The following PLA2G4E variants were observed in gnomAD, a reference collection of about 807,000 sequenced individuals.
PLA2G4E encodes phospholipase A2 group IVE.
In PLA2G4E, 84 loss-of-function variants were observed where a neutral mutation model predicts 109.1. The observed-to-expected ratio is 0.77, with a 90% CI of 0.65 to 0.92. PLA2G4E has a LOEUF of 0.92. PLA2G4E is among the 40% of genes least tolerant of loss of function. The pLI is 0.00. For missense variants in PLA2G4E, 1,057 were observed against 1,076.6 expected, an observed-to-expected ratio of 0.98 and a Z score of 0.25; for synonymous variants, 469 against 436.1, an observed-to-expected ratio of 1.08 and a Z score of -0.94.
chr15:42,044,784 TA>T (rs142655020), intron 1 of PLA2G4E, among the ~76,000 whole-genome samples: 46 of 146,570 alleles, frequency 3.1e-4, no homozygotes, highest in South Asian at 6.5e-4. Context: ...TAAAGTATAA[TA>T]AAAAAAAAAG....
chr15:42,039,648 T>C (rs1429562366), intron 1 of PLA2G4E, among the ~76,000 whole-genome samples: 4 of 152,018 alleles, frequency 2.6e-5, no homozygotes, highest in Admixed American at 6.6e-5. Flanking sequence ...AAAATATTAA[T>C]TTTTCTATAA....
chr15:41,994,124 C>T (rs2068298015), intron 12 of PLA2G4E, among the ~76,000 whole-genome samples: 1 of 152,216 alleles, frequency 6.6e-6, no homozygotes, highest in South Asian at 2.1e-4. Context: ...CTCCACTGCT[C>T]ATTAACTGAG....
intron 1 of PLA2G4E, among the ~76,000 whole-genome samples, chr15:42,021,921 A>T (rs1019398529): frequency 1.3e-5 from 2 of 152,160 alleles, no homozygotes; most frequent in Admixed American, 6.5e-5. Context: ...GCAGGGATGG[A>T]ACCTGGTTGG....
At chr15:42,026,639 G>C (rs1260118542) in intron 1 of PLA2G4E, among the ~76,000 whole-genome samples, 2 of 152,168 alleles carry the variant, frequency 1.3e-5, no homozygotes, top group African/African-American at 4.8e-5. Flanking sequence ...CTTAGTCAAA[G>C]TAAGAATATC....
At chr15:42,022,355 T>C (rs578175218) in intron 1 of PLA2G4E, among the ~76,000 whole-genome samples, 7 of 152,320 alleles carry the variant, frequency 4.6e-5, no homozygotes, top group Admixed American at 3.9e-4. Flanking sequence ...GGTTAATTTT[T>C]CCGCGGGTGG....
At chr15:42,008,266 T>C (rs917817347) in intron 2 of PLA2G4E, among the ~76,000 whole-genome samples, 9 of 152,178 alleles carry the variant, frequency 5.9e-5, no homozygotes, top group Admixed American at 3.3e-4. Context: ...AAAACCAAAG[T>C]AGGGCCAAGC....
At chr15:41,995,565 G>A in intron 11 of PLA2G4E, 69 bp from the exon 12 acceptor site, 1 of 1,583,590 alleles carries the variant, frequency 6.3e-7, no homozygotes, top group Non-Finnish European at 8.6e-7. Flanking sequence ...GACTTAGAAT[G>A]ACGGCAACTT....
intron 1 of PLA2G4E, among the ~76,000 whole-genome samples, chr15:42,044,590 C>T (rs1223104171): frequency 7.3e-6 from 1 of 137,794 alleles, no homozygotes; most frequent in Non-Finnish European, 1.5e-5. Flanking sequence ...ACAATGAGAA[C>T]ACTTGGACAC....
Position 42,008,216 on chromosome 15 carries a change from AG to A in PLA2G4E, c.257-352del, listed in dbSNP as rs2068496945. Among the ~76,000 whole-genome samples, 5 of 152,242 alleles carry A rather than the reference AG, an allele frequency of 3.3e-5. No homozygotes were observed. The South Asian group carries it at 1.0e-3, about 32-fold the overall frequency. On this transcript the variant is annotated intron_variant, in intron 2 of 19. Coordinates refer to ENST00000399518, the Ensembl canonical transcript of PLA2G4E. Reference sequence around the variant, plus strand: ...GTAAGATCTGGAAGACCAGTCCCCAAGGGTCCGGATTACTTCTTGTCTTAGC... The same window carrying A: ...GTAAGATCTGGAAGACCAGTCCCCAAGGTCCGGATTACTTCTTGTCTTAGC...
chr15:41,999,410 A>T (rs550198344), intron 10 of PLA2G4E, 114 bp downstream of exon 10: 1 of 751,346 alleles, frequency 1.3e-6, no homozygotes, highest in Admixed American at 2.3e-5. Flanking sequence ...CCATGGAAAG[A>T]TGTTCAACAT....
chr15:41,988,507 G>T (rs2068187889), intron 15 of PLA2G4E, among the ~76,000 whole-genome samples: 1 of 152,172 alleles, frequency 6.6e-6, no homozygotes, highest in South Asian at 2.1e-4. Flanking sequence ...CCTGGCACAT[G>T]GCGAGCACTC....
chr15:42,015,683 G>A (rs2068586802), intron 1 of PLA2G4E, among the ~76,000 whole-genome samples: 1 of 152,232 alleles, frequency 6.6e-6, no homozygotes, highest in Non-Finnish European at 1.5e-5. Flanking sequence ...GGGGAGAGCA[G>A]GTCAAGCTGG....
At chr15:41,991,071 C>T (rs2068240214) in intron 13 of PLA2G4E, among the ~76,000 whole-genome samples, 1 of 152,142 alleles carries the variant, frequency 6.6e-6, no homozygotes, top group Admixed American at 6.5e-5. Flanking sequence ...CATAACTGGG[C>T]CCAGAGATCT....
intron 10 of PLA2G4E, chr15:41,998,181 GCTCA>G (rs1221526946): frequency 1.3e-5 from 2 of 152,206 alleles, no homozygotes; most frequent in Non-Finnish European, 2.9e-5. Flanking sequence ...CTGAGCCTTG[GCTCA>G]CTGACAAAGC....
exon 20 of PLA2G4E, chr15:41,982,477 G>A (rs183270276): frequency 6.6e-6 from 1 of 152,318 alleles, no homozygotes; most frequent in Non-Finnish European, 1.5e-5. Context: ...GACTCTCCAA[G>A]AGTTGGAATG....
intron 10 of PLA2G4E, 97 bp downstream of exon 10, chr15:41,999,427 C>T: frequency 1.2e-6 from 1 of 866,570 alleles, no homozygotes; most frequent in Non-Finnish European, 1.9e-6. Flanking sequence ...ACATCATTAG[C>T]CATAGGGGAA....
chr15:42,037,685 G>C (rs930288094), intron 1 of PLA2G4E, among the ~76,000 whole-genome samples: 4 of 152,262 alleles, frequency 2.6e-5, no homozygotes, highest in Non-Finnish European at 2.9e-5. Context: ...GAAGAGCTGC[G>C]GCCCTTCAGG....
intron 3 of PLA2G4E, chr15:42,006,345 T>G: frequency 2.4e-6 from 1 of 422,788 alleles, no homozygotes; most frequent in Non-Finnish European, 4.2e-6. Context: ...TGGCCTTCTG[T>G]TCTCACTTTC....
intron 11 of PLA2G4E, 104 bp from the exon 12 acceptor site, chr15:41,995,600 G>C: frequency 6.1e-6 from 9 of 1,469,192 alleles, no homozygotes; most frequent in African/African-American, 1.4e-5. Context: ...AGGAGGCAGA[G>C]CTGGCTACAG....
Sources: gnomAD v4.1 joint callset for allele counts (sites outside exome capture counted in the v4.1 genomes callset) on GRCh38, gnomAD v4.1.1 for gene constraint, MANE v1.5 for transcripts, NCBI Gene and HGNC (gene_info 2026-07-23, HGNC 2026-07-21) for gene names.